The following PCDHGB2 variants were observed in gnomAD, a reference collection of about 807,000 sequenced individuals.
PCDHGB2 encodes the protein protocadherin gamma subfamily B, 2.
Under a neutral mutation model 59.3 loss-of-function variants are expected in PCDHGB2, and 55 were observed. The observed-to-expected ratio is 0.93, with a 90% CI of 0.75 to 1.16. PCDHGB2 has a LOEUF of 1.16. PCDHGB2 is among the 50% of genes most tolerant of loss of function. The probability of loss-of-function intolerance (pLI) is 0.00; values close to 1 mark genes in which losing one functional copy is unlikely to be tolerated. For synonymous variants in PCDHGB2, 516 were observed against 512.0 expected (o/e 1.01, Z -0.11); for missense variants, 1,228 against 1,198.5 (o/e 1.02, Z -0.36).
At chr5:141,365,666 A>T in intron 1 of PCDHGB2, 4 of 1,613,398 alleles carry the variant, frequency 2.5e-6, no homozygotes, top group Non-Finnish European at 3.4e-6. Flanking sequence ...AGCAGACGTT[A>T]ATGACAACCC....
chr5:141,455,817 A>G (rs1251279680), intron 1 of PCDHGB2, among the ~76,000 whole-genome samples: 3 of 151,882 alleles, frequency 2.0e-5, no homozygotes, highest in Non-Finnish European at 4.4e-5. Flanking sequence ...AAAACTTCCC[A>G]AGGACCCCTT....
intron 1 of PCDHGB2, chr5:141,427,525 CG>C (rs996050026): frequency 4.9e-6 from 3 of 612,098 alleles, no homozygotes; most frequent in Non-Finnish European, 9.2e-6. Flanking sequence ...GAGCGGATCC[CG>C]GAGTACAACG....
chr5:141,383,264 A>T, intron 1 of PCDHGB2: 1 of 1,613,962 alleles, frequency 6.2e-7, no homozygotes, highest in Non-Finnish European at 8.5e-7. Context: ...ATAGACGTGG[A>T]AATAATAGAT....
At chr5:141,469,994 C>T (rs948868787) in intron 1 of PCDHGB2, among the ~76,000 whole-genome samples, 2 of 151,830 alleles carry the variant, frequency 1.3e-5, no homozygotes, top group Non-Finnish European at 1.5e-5. Flanking sequence ...AGCTGGTCGT[C>T]GTGGCACGCC....
chr5:141,468,868 AAATAAT>A (rs993655754), intron 1 of PCDHGB2, among the ~76,000 whole-genome samples: 1 of 151,794 alleles, frequency 6.6e-6, no homozygotes, highest in Non-Finnish European at 1.5e-5. Context: ...TCCATCTCAA[AAATAAT>A]AATAATAATA....
chr5:141,455,855 C>A (rs1267803457), intron 1 of PCDHGB2, among the ~76,000 whole-genome samples: 4 of 147,088 alleles, frequency 2.7e-5, no homozygotes, highest in African/African-American at 1.0e-4. Flanking sequence ...AAAATAATTT[C>A]TTTTATTATT....
chr5:141,365,440 C>T, intron 1 of PCDHGB2: 3 of 1,613,954 alleles, frequency 1.9e-6, no homozygotes, highest in Non-Finnish European at 1.7e-6. Flanking sequence ...CGCTGTTTAG[C>T]GTACATGATG....
At chr5:141,423,874 A>T (rs1264795133) in intron 1 of PCDHGB2, 2 of 1,283,268 alleles carry the variant, frequency 1.6e-6, no homozygotes, top group African/African-American at 3.1e-5. Flanking sequence ...GTCATTTTTC[A>T]ATCTTGGCAT....
In PCDHGB2 at chr5:141,477,446, C is replaced by A; in HGVS notation, c.2422-17361C>A. 1 of 1,614,196 alleles carries A rather than the reference C, an allele frequency of 6.2e-7. No homozygotes were observed. The highest frequency in any genetic ancestry group is 8.5e-7 in the Non-Finnish European group (1 of 1,180,022). The stretch of plus-strand genomic sequence containing the variant: ...TTCCCTCTCAGCCCTTACAATAGTG[C>A]GTGTTCAAGTGTCCGACATCAATGA... On this transcript the variant is annotated intron_variant, in intron 1 of 3. Transcript: ENST00000522605. The surrounding 1 kb of genome is among the most constrained non-coding windows in gnomAD (Gnocchi z 4.9).
Position 141,431,756 on chromosome 5 carries a change from G to T in PCDHGB2, c.2422-63051G>T. The T allele has an allele frequency of 6.2e-7, 1 of 1,614,236 alleles. No individual in the cohort carries two copies. Among genetic ancestry groups the T allele is most frequent in the South Asian group, 1.1e-5 (1 of 91,088 alleles). On this transcript the variant is annotated intron_variant, in intron 1 of 3. Transcript: ENST00000522605. This position sits in a 1 kb window ranked among gnomAD's most constrained non-coding sequence, Gnocchi z 4.8. Reference sequence around the variant, plus strand: ...TGCAGGATATTCTGCGCGAGCCAAAGTCCTGATCACTGTTCTGGACGTGAA... The same window carrying T: ...TGCAGGATATTCTGCGCGAGCCAAATTCCTGATCACTGTTCTGGACGTGAA...
chr5:141,415,423 G>T (rs2154545734), intron 1 of PCDHGB2: 1 of 1,614,204 alleles, frequency 6.2e-7, no homozygotes, highest in Non-Finnish European at 8.5e-7. Context: ...CGTGGACGGG[G>T]TTCGGGCTTT....
At chr5:141,370,625 G>T (rs984746872) in intron 1 of PCDHGB2, 1 of 1,613,980 alleles carries the variant, frequency 6.2e-7, no homozygotes, top group Non-Finnish European at 8.5e-7. Context: ...TCTTTACCGT[G>T]AGCCCCGAAA....
At chr5:141,421,316 G>A in intron 1 of PCDHGB2, 1 of 1,613,866 alleles carries the variant, frequency 6.2e-7, no homozygotes, top group Non-Finnish European at 8.5e-7. Flanking sequence ...TTCCGGGCCA[G>A]GCAGATCCGA....
chr5:141,370,449 C>A (rs376611019), intron 1 of PCDHGB2: 1 of 1,608,576 alleles, frequency 6.2e-7, no homozygotes, highest in African/African-American at 1.3e-5. Context: ...AATGCTATTT[C>A]TCTTCCTGCT....
intron 1 of PCDHGB2, chr5:141,374,638 A>C (rs931155259): frequency 4.3e-6 from 7 of 1,612,946 alleles, no homozygotes; most frequent in Admixed American, 1.7e-5. Context: ...TGCAAAGCGA[A>C]GCCCATGGGC....
chr5:141,433,547 C>G (rs2097621028), intron 1 of PCDHGB2, among the ~76,000 whole-genome samples: 1 of 152,086 alleles, frequency 6.6e-6, no homozygotes, highest in South Asian at 2.1e-4. Context: ...ATCAGATATT[C>G]TTTTCTGGCT....
At chr5:141,498,921 AG>A (rs1289139995) in intron 2 of PCDHGB2, among the ~76,000 whole-genome samples, 1 of 140,074 alleles carries the variant, frequency 7.1e-6, no homozygotes, top group Non-Finnish European at 1.6e-5. Flanking sequence ...TGACAGAGCG[AG>A]ACTCCATCAG....
At chr5:141,384,714 A>T (rs750526941) in intron 1 of PCDHGB2, 7 of 1,614,076 alleles carry the variant, frequency 4.3e-6, no homozygotes, top group Non-Finnish European at 5.9e-6. Context: ...CCTGGCTGTC[A>T]TACCTCCTGC....
intron 1 of PCDHGB2, chr5:141,364,142 A>C (rs1588593091): frequency 3.9e-6 from 2 of 513,968 alleles, no homozygotes; most frequent in South Asian, 1.1e-4. Context: ...CCAAAGTGGG[A>C]AAGAAGCTGC....
Sources: gnomAD v4.1 joint callset for allele counts (sites outside exome capture counted in the v4.1 genomes callset) on GRCh38, gnomAD v4.1.1 for gene constraint, Gnocchi (gnomAD v3.1) non-coding constraint, MANE v1.5 for transcripts, NCBI Gene and HGNC (gene_info 2026-07-23, HGNC 2026-07-21) for gene names.